Variants in ASB15 observed in about 807,000 individuals in gnomAD.
The protein encoded by ASB15 is ankyrin repeat and SOCS box protein 15.
A neutral mutation model predicts 58.0 loss-of-function variants in ASB15; 54 were observed. The ratio of observed to expected loss-of-function variants is 0.93; its 90% CI spans 0.75 to 1.17. The LOEUF (loss-of-function observed/expected upper bound fraction) is 1.17, where lower values mean the gene tolerates loss of function less well. Ranked by LOEUF, ASB15 falls within the 50% of genes most tolerant of loss-of-function variation. The pLI is 0.00. For missense variants in ASB15, 680 were observed against 707.4 expected (o/e 0.96, Z 0.44); for synonymous variants, 249 against 262.4 (o/e 0.95, Z 0.50).
intron 1 of ASB15, among the ~76,000 whole-genome samples, chr7:123,588,715 C>A (rs1443155535): frequency 6.6e-6 from 1 of 151,102 alleles, no homozygotes; most frequent in African/African-American, 2.4e-5. Context: ...TACTGCTATG[C>A]TCTTCCCTTT....
rs1802489436 is a variant in ASB15, at chr7:123,637,663, CT to C, written c.*685del. 1 of 151,890 alleles carries C rather than the reference CT, an allele frequency of 6.6e-6. No homozygotes were observed. Among genetic ancestry groups the C allele is most frequent in the African/African-American group, 2.4e-5 (1 of 41,346 alleles). 9.4% of individuals were successfully genotyped at this position (151,890 alleles called of 1,614,324 possible). A position where few individuals can be genotyped will look rare whatever the true frequency, so the allele number is the denominator to read the frequency against. ...AGTTATATATCTTAAGCCCTCTTCTCTTTGTTCTTTAAGTTATATATCCTAA... is the reference window on the plus strand; with the variant it reads ...AGTTATATATCTTAAGCCCTCTTCTCTTGTTCTTTAAGTTATATATCCTAA... On this transcript the variant is annotated 3_prime_UTR_variant, in exon 12 of 12. Transcript: ENST00000451215.
rs1324880088 is a variant in ASB15, at chr7:123,633,702, C to T, written c.1595-3107C>T. ...TAATGATGAACCCAGTAGCAATGAG[C>T]ATTCCTACGACCCAGATTTTGGCCT... On this transcript the variant is annotated intron_variant, in intron 11 of 11. Transcript: ENST00000451215. Among the ~76,000 whole-genome samples the T allele has an allele frequency of 2.6e-5, 4 of 152,278 alleles. No individual in the cohort carries two copies. The East Asian group carries it at 5.8e-4, about 22-fold the overall frequency.
In ASB15 at chr7:123,636,942, A is replaced by G. The variant is rs958872237; in HGVS notation, c.1728A>G (p.Lys576=). Reference sequence around the variant, plus strand: ...CTATTCAAAGATACATATTATTTAAAGAGTATGATCTCTATGGACAAGAGC... The same window carrying G: ...CTATTCAAAGATACATATTATTTAAGGAGTATGATCTCTATGGACAAGAGC... ...PPAIQRYILF[K]EYDLYGQELK... The change falls in exon 12 of 12, where the codon AAA becomes AAG. Residue 576 remains lysine, a synonymous_variant. Coordinates refer to ENST00000451215, the MANE Select transcript of ASB15 (RefSeq NM_001290258.2). 1 of 1,581,640 alleles carries G rather than the reference A, an allele frequency of 6.3e-7. No individual in the cohort carries two copies. The highest frequency in any genetic ancestry group is 8.7e-7 in the Non-Finnish European group (1 of 1,150,860).
chr7:123,592,651 C>T (rs923287255), intron 1 of ASB15, among the ~76,000 whole-genome samples: 2 of 151,976 alleles, frequency 1.3e-5, no homozygotes, highest in African/African-American at 4.8e-5. Flanking sequence ...TCTGAGAGAC[C>T]GTTTGTTGCG....
chr7:123,618,868 T>TA (rs55747189), intron 7 of ASB15, among the ~76,000 whole-genome samples: 1 of 151,940 alleles, frequency 6.6e-6, no homozygotes, highest in Admixed American at 6.6e-5. Flanking sequence ...AATATCAATG[T>TA]AAAAAACGTA....
chr7:123,594,258 C>T (rs35400230), intron 1 of ASB15, among the ~76,000 whole-genome samples: 32,335 of 151,786 alleles, frequency 0.21, 3,656 homozygotes, highest in East Asian at 0.4. Flanking sequence ...TTGTTATTAC[C>T]GACTTCTGAG....
chr7:123,599,464 A>T (rs1386155225), upstream of ASB15, among the ~76,000 whole-genome samples: 1 of 152,202 alleles, frequency 6.6e-6, no homozygotes, highest in East Asian at 1.9e-4. Flanking sequence ...TCATAGCAAG[A>T]GCTGTTTTTT....
intron 1 of ASB15, among the ~76,000 whole-genome samples, chr7:123,569,196 C>T (rs1312699193): frequency 6.6e-6 from 1 of 152,070 alleles, no homozygotes; most frequent in Non-Finnish European, 1.5e-5. Flanking sequence ...GTCCGGTGGT[C>T]ATGCTAAAGA....
intron 8 of ASB15, among the ~76,000 whole-genome samples, chr7:123,625,979 G>C (rs894029291): frequency 8.5e-5 from 13 of 152,182 alleles, no homozygotes; most frequent in Admixed American, 6.5e-4. Context: ...CTTGCCCCCA[G>C]CTCTCACCAT....
intron 1 of ASB15, among the ~76,000 whole-genome samples, chr7:123,574,449 A>T (rs542886471): frequency 1.3e-5 from 2 of 152,296 alleles, no homozygotes; most frequent in African/African-American, 4.8e-5. Context: ...GTGATACAGT[A>T]AGTCAGGGAT....
At chr7:123,575,451 A>G (rs1353388660) in intron 1 of ASB15, among the ~76,000 whole-genome samples, 1 of 152,100 alleles carries the variant, frequency 6.6e-6, no homozygotes, top group African/African-American at 2.4e-5. Context: ...ACACAATTAA[A>G]TCATACACAA....
intron 6 of ASB15, 152 bp downstream of exon 6, chr7:123,616,647 C>A (rs1370043522): frequency 2.0e-5 from 20 of 1,023,054 alleles, no homozygotes; most frequent in Middle Eastern, 3.2e-4. Flanking sequence ...ATGTTTTAAA[C>A]TCAGAGTATA....
intron 7 of ASB15, among the ~76,000 whole-genome samples, chr7:123,618,331 A>C (rs1163038395): frequency 6.6e-6 from 1 of 152,198 alleles, no homozygotes; most frequent in Non-Finnish European, 1.5e-5. Context: ...AGAGAGTGAT[A>C]AGATTAACTC....
At chr7:123,609,253 G>A (rs187267886) in intron 3 of ASB15, among the ~76,000 whole-genome samples, 338 of 152,014 alleles carry the variant, frequency 2.2e-3, no homozygotes, top group African/African-American at 7.3e-3. Flanking sequence ...TTGTCCCTTC[G>A]TATCACTTCC....
Position 123,628,965 on chromosome 7 carries a change from T to C in ASB15, c.971T>C (p.Leu324Pro), listed in dbSNP as rs1347558980. The C allele has an allele frequency of 6.2e-7, 1 of 1,612,720 alleles. No homozygotes were observed. The highest frequency in any genetic ancestry group is 1.7e-5 in the Admixed American group (1 of 59,998). ...SAADGQNAQC[L>P]ELLIENGFDV... ...GCAGATGGACAAAATGCACAGTGTC[T>C]AGAACTGCTCATTGAAAATGGTTTT... Residue 324 changes from leucine (L) to proline (P), a missense_variant, in exon 10 of 12, where the codon CTA becomes CCA. Coordinates refer to ENST00000451215, the MANE Select transcript of ASB15 (RefSeq NM_001290258.2).
intron 11 of ASB15, among the ~76,000 whole-genome samples, chr7:123,635,270 A>G (rs911407780): frequency 1.3e-5 from 2 of 152,178 alleles, no homozygotes; most frequent in Non-Finnish European, 2.9e-5. Flanking sequence ...TCTATTTCCT[A>G]TAGACCTAGG....
Position 123,638,662 on chromosome 7 carries a change from G to C in ASB15, c.*1681G>C, listed in dbSNP as rs1320416479. The C allele has an allele frequency of 1.3e-5, 2 of 152,178 alleles. No individual in the cohort carries two copies. Among genetic ancestry groups the C allele is most frequent in the African/African-American group, 2.4e-5 (1 of 41,430 alleles). 9.4% of individuals were successfully genotyped at this position (152,178 alleles called of 1,614,324 possible). ...TATGGGGAACCTCTGCTGTAGAATA[G>C]ACCATGCTCTCTTTTAACCTCAGGG... On this transcript the variant is annotated 3_prime_UTR_variant, in exon 12 of 12. Coordinates refer to ENST00000451215, the MANE Select transcript of ASB15 (RefSeq NM_001290258.2).
At chr7:123,608,127 C>T (rs772534092) in intron 2 of ASB15, among the ~76,000 whole-genome samples, 1 of 151,706 alleles carries the variant, frequency 6.6e-6, no homozygotes, top group Non-Finnish European at 1.5e-5. Context: ...TTTATCTAGT[C>T]CTCATACTAA....
At chr7:123,598,056 ACATGTCCCACC>A (rs2116392765), upstream of ASB15, among the ~76,000 whole-genome samples, 1 of 151,930 alleles carries the variant, frequency 6.6e-6, no homozygotes, top group African/African-American at 2.4e-5. Flanking sequence ...GACTAGAACC[ACATGTCCCACC>A]CATCATGACA....
Sources: gnomAD v4.1 joint callset for allele counts (sites outside exome capture counted in the v4.1 genomes callset) on GRCh38, gnomAD v4.1.1 for gene constraint, MANE v1.5 for transcripts, NCBI Gene and HGNC (gene_info 2026-07-23, HGNC 2026-07-21) for gene names.